LAMB1: variants seen among roughly 807,000 people sequenced by gnomAD.
LAMB1 encodes the protein laminin subunit beta-1.
Under a neutral mutation model 222.3 loss-of-function variants are expected in LAMB1, and 121 were observed. That is an observed-to-expected ratio of 0.54 (90% CI 0.47 to 0.63). The LOEUF (loss-of-function observed/expected upper bound fraction) is 0.63, where lower values mean the gene tolerates loss of function less well. Among genes scored for constraint, LAMB1 ranks in the 30% least tolerant of loss-of-function variants. The pLI is 0.00. For missense variants in LAMB1, 2,172 were observed against 2,240.8 expected (o/e 0.97, Z 0.62); for synonymous variants, 794 against 807.2 (o/e 0.98, Z 0.28).
chr7:107,978,650 T>TC lies in LAMB1; in HGVS notation c.880-484_880-483insG, dbSNP rs949886362. Among the ~76,000 whole-genome samples the TC allele has an allele frequency of 5.1e-4, 77 of 152,150 alleles. 1 individual carries two copies. Among genetic ancestry groups the TC allele is most frequent in the Middle Eastern group, 3.4e-3 (1 of 294 alleles). On this transcript the variant is annotated intron_variant, in intron 8 of 33. Coordinates refer to ENST00000222399, the MANE Select transcript of LAMB1 (RefSeq NM_002291.3). ...TTTTGTTAGCTAGCTTATTTTAGTT[T>TC]TTTTTACTTCAGGCATAGCACTTAA...
At chr7:107,999,601 G>A (rs1584546049) in intron 3 of LAMB1, among the ~76,000 whole-genome samples, 1 of 152,284 alleles carries the variant, frequency 6.6e-6, no homozygotes, top group South Asian at 2.1e-4. Flanking sequence ...AGCCAGGGAT[G>A]CATTAGGAGC....
chr7:107,943,398 T>C (rs990639509), intron 24 of LAMB1, among the ~76,000 whole-genome samples: 3 of 152,238 alleles, frequency 2.0e-5, no homozygotes, highest in African/African-American at 7.2e-5. Flanking sequence ...AATCGATTTC[T>C]GAGATTAGGA....
At chr7:107,983,899 A>G (rs1052113311) in intron 7 of LAMB1, among the ~76,000 whole-genome samples, 2 of 152,164 alleles carry the variant, frequency 1.3e-5, no homozygotes, top group African/African-American at 4.8e-5. Flanking sequence ...GAATGTGGTA[A>G]AGAGCTCTGA....
At chr7:107,970,983 C>T (rs35255699) in intron 13 of LAMB1, among the ~76,000 whole-genome samples, 11,602 of 152,180 alleles carry the variant, frequency 0.076, 616 homozygotes, top group Non-Finnish European at 0.12. Context: ...TCTGGCGCGC[C>T]GGCCTCCCAA....
intron 22 of LAMB1, among the ~76,000 whole-genome samples, chr7:107,952,761 C>T (rs1452950577): frequency 1.3e-5 from 2 of 152,006 alleles, no homozygotes; most frequent in South Asian, 2.1e-4. Flanking sequence ...TAGTTGATCT[C>T]GGTAAGAGAG....
At chr7:107,944,800 C>A (rs2033080808) in intron 24 of LAMB1, among the ~76,000 whole-genome samples, 1 of 152,204 alleles carries the variant, frequency 6.6e-6, no homozygotes, top group South Asian at 2.1e-4. Flanking sequence ...AGTAAAACTT[C>A]ATGGACACTA....
chr7:108,001,589 G>A lies in LAMB1; in HGVS notation c.182C>T (p.Pro61Leu). 1 of 1,612,416 alleles carries A rather than the reference G, an allele frequency of 6.2e-7. No individual in the cohort carries two copies. The highest frequency in any genetic ancestry group is 1.1e-5 in the South Asian group (1 of 90,790). Residue 61 changes from proline (P) to leucine (L), a missense_variant, in exon 3 of 34, where the codon CCC becomes CTC. Transcript: ENST00000222399. ...GTGGCTGACGATACAGTAGGGTTCG[G>A]GCTTGTGCAGCCCGCACGTCGAGGT... ...SVTSTCGLHK[P>L]EPYCIVSHLQ...
At chr7:107,948,821 G>T (rs368607093) in intron 24 of LAMB1, among the ~76,000 whole-genome samples, 1 of 152,054 alleles carries the variant, frequency 6.6e-6, no homozygotes, top group African/African-American at 2.4e-5. Context: ...TCGTGCCACC[G>T]GGATTGGCCA....
intron 5 of LAMB1, among the ~76,000 whole-genome samples, chr7:107,988,923 G>A (rs995700323): frequency 2.6e-5 from 4 of 152,154 alleles, no homozygotes; most frequent in Admixed American, 6.5e-5. Context: ...CACCCAGTCC[G>A]TGACACTTTG....
intron 24 of LAMB1, among the ~76,000 whole-genome samples, chr7:107,941,590 G>A (rs1264091175): frequency 5.3e-5 from 8 of 151,326 alleles, no homozygotes; most frequent in Non-Finnish European, 1.2e-4. Context: ...CTTCATAAAA[G>A]AAAATAATCC....
intron 5 of LAMB1, among the ~76,000 whole-genome samples, chr7:107,987,513 C>CT (rs1478277384): frequency 2.0e-5 from 3 of 152,056 alleles, no homozygotes; most frequent in Non-Finnish European, 2.9e-5. Context: ...CAAATTGGAT[C>CT]TTTTTTTGAG....
chr7:107,973,265 C>T (rs778192706), intron 12 of LAMB1, among the ~76,000 whole-genome samples, 194 bp from the exon 13 acceptor site: 7 of 152,160 alleles, frequency 4.6e-5, no homozygotes, highest in East Asian at 1.9e-4. Flanking sequence ...GTAAGAGAGC[C>T]GTTCACAATC....
chr7:107,963,970 T>C (rs1036130109), intron 14 of LAMB1, among the ~76,000 whole-genome samples: 4 of 152,180 alleles, frequency 2.6e-5, no homozygotes, highest in African/African-American at 9.7e-5. Context: ...TGGTGGCACA[T>C]GCCTATAATC....
chr7:107,961,655 C>G lies in LAMB1; in HGVS notation c.1879G>C (p.Ala627Pro), dbSNP rs368538700. The G allele has an allele frequency of 3.3e-5, 54 of 1,613,640 alleles. No individual in the cohort carries two copies. The highest frequency in any genetic ancestry group is 4.3e-5 in the Non-Finnish European group (51 of 1,179,710). Residue 627 changes from alanine to proline, a missense_variant, in exon 16 of 34, where the codon GCT (alanine) becomes CCT (proline). Transcript: ENST00000222399. ...EPQLPDHWEK[A>P]VITVQRPGRI... ...CCAGGTCGCTGCACTGTGATGACAGCTTTTTCCCAGTGGTCGGGTAGCTAG... is the reference window on the plus strand; with the variant it reads ...CCAGGTCGCTGCACTGTGATGACAGGTTTTTCCCAGTGGTCGGGTAGCTAG...
At chr7:108,002,137 G>C (rs1286430124) in intron 2 of LAMB1, 2 of 1,473,142 alleles carry the variant, frequency 1.4e-6, no homozygotes, top group Non-Finnish European at 1.8e-6. Flanking sequence ...CCACGCACGT[G>C]AACCCGCGTG....
intron 2 of LAMB1, 138 bp from the exon 3 acceptor site, chr7:108,001,871 A>G (rs528689085): frequency 8.9e-5 from 133 of 1,492,590 alleles, no homozygotes; most frequent in Non-Finnish European, 1.1e-4. Context: ...CACAGAAAAG[A>G]CAATGGAGAG....
intron 25 of LAMB1, among the ~76,000 whole-genome samples, chr7:107,939,569 T>C (rs2032931636): frequency 6.6e-6 from 1 of 152,192 alleles, no homozygotes; most frequent in Admixed American, 6.5e-5. Flanking sequence ...CATAAGGTAA[T>C]GGCATATATT....
intron 13 of LAMB1, among the ~76,000 whole-genome samples, chr7:107,971,731 A>G (rs2033752728): frequency 6.6e-6 from 1 of 152,146 alleles, no homozygotes; most frequent in South Asian, 2.1e-4. Context: ...TGCACAAGAG[A>G]TTAGAGGGCA....
intron 24 of LAMB1, among the ~76,000 whole-genome samples, chr7:107,943,569 A>G (rs1392290657): frequency 2.0e-5 from 3 of 152,056 alleles, no homozygotes; most frequent in Non-Finnish European, 4.4e-5. Flanking sequence ...CACCTCTCAA[A>G]CTTGGGTAGG....
Sources: gnomAD v4.1 joint callset for allele counts (sites outside exome capture counted in the v4.1 genomes callset) on GRCh38, gnomAD v4.1.1 for gene constraint, MANE v1.5 for transcripts, NCBI Gene and HGNC (gene_info 2026-07-23, HGNC 2026-07-21) for gene names.